Variants in MYO10 observed in about 807,000 individuals in gnomAD.
The protein encoded by MYO10 is unconventional myosin-X.
Under a neutral mutation model 257.3 loss-of-function variants are expected in MYO10, and 133 were observed. The observed-to-expected ratio is 0.52, with a 90% confidence interval of 0.45 to 0.60. The LOEUF (loss-of-function observed/expected upper bound fraction) is 0.60, where lower values mean the gene tolerates loss of function less well. MYO10 is among the 20% of genes least tolerant of loss of function. The pLI, the probability that MYO10 is intolerant of heterozygous loss-of-function variation, is 0.00. For missense variants in MYO10, 2,399 were observed against 2,635.7 expected (o/e 0.91, Z 1.97); for synonymous variants, 1,104 against 1,028.6 (o/e 1.07, Z -1.40).
rs776068710 is a variant in MYO10, at chr5:16,702,565, T to C, written c.2534A>G (p.Glu845Gly). The change falls in exon 24 of 41, where the codon GAA becomes GGA. Residue 845 changes from glutamate (E) to glycine (G), a missense_variant. Around this residue, in one of 3 missense-constraint regions of MYO10, gnomAD observed 1,820 missense variants for 1,939.4 expected, o/e 0.94. Transcript: ENST00000513610. ...EERERERERR[E>G]AELRAQQEEE... ...TACCTGCTGGGCGCGGAGCTCGGCT[T>C]CTCTTCGCTCTCTCTCTCTTTCTCT... 1.9e-5 allele frequency: 30 copies of C among 1,588,840 alleles called. No individual in the cohort carries two copies. The highest frequency in any genetic ancestry group is 2.5e-5 in the Non-Finnish European group (29 of 1,167,084).
chr5:16,828,917 A>G (rs253322), intron 2 of MYO10, among the ~76,000 whole-genome samples: 114,169 of 151,910 alleles, frequency 0.75, 43,434 homozygotes, highest in Non-Finnish European at 0.82. Flanking sequence ...CATTTATTCC[A>G]TTACTTTTCA....
chr5:16,865,640 G>A (rs1415516788), intron 2 of MYO10, among the ~76,000 whole-genome samples: 1 of 151,824 alleles, frequency 6.6e-6, no homozygotes, highest in Non-Finnish European at 1.5e-5. Flanking sequence ...GTGAAACCCC[G>A]TCTCTCCTAA....
At chr5:16,852,604 G>A (rs1305471201) in intron 2 of MYO10, among the ~76,000 whole-genome samples, 1 of 151,540 alleles carries the variant, frequency 6.6e-6, no homozygotes, top group Non-Finnish European at 1.5e-5. Context: ...TCCAGGCCCA[G>A]ACTAGCTGGA....
intron 9 of MYO10, among the ~76,000 whole-genome samples, chr5:16,771,204 GT>G (rs915246215): frequency 2.6e-4 from 39 of 152,078 alleles, no homozygotes; most frequent in African/African-American, 8.5e-4. Context: ...CCAGAGTACT[GT>G]TTTTTTCCTT....
chr5:16,891,960 A>G (rs1745072947), intron 1 of MYO10, among the ~76,000 whole-genome samples: 1 of 152,202 alleles, frequency 6.6e-6, no homozygotes, highest in African/African-American at 2.4e-5. Flanking sequence ...TAGAACACCA[A>G]AACAAGTTAT....
At position 16,935,859 on chromosome 5, in the gene MYO10, T is replaced by G; in HGVS notation, c.-51A>C. The G allele has an allele frequency of 1.2e-6, 2 of 1,607,276 alleles. No homozygotes were observed. Among genetic ancestry groups the G allele is most frequent in the Non-Finnish European group, 1.7e-6 (2 of 1,177,408 alleles). ...CGAGTGCCGCTCCGACTCGCGGAAG[T>G]CAGCGCCGCCGCGGGTCCGGGGAAA... On this transcript the variant is annotated 5_prime_UTR_variant, in exon 1 of 41. It removes the in-frame stop codon of an upstream open reading frame in the 5' UTR. Transcript: ENST00000513610.
At chr5:16,935,266 G>A (rs1443266369) in intron 1 of MYO10, among the ~76,000 whole-genome samples, 1 of 152,108 alleles carries the variant, frequency 6.6e-6, no homozygotes, top group Non-Finnish European at 1.5e-5. Context: ...GCACTTCTCG[G>A]CGAGCAAAGT....
intron 19 of MYO10, among the ~76,000 whole-genome samples, chr5:16,745,786 GA>G (rs1326984980): frequency 6.6e-5 from 10 of 152,156 alleles, no homozygotes; most frequent in African/African-American, 2.4e-4. Flanking sequence ...GGTTCCTTAG[GA>G]AAAGGGAGGA....
At chr5:16,796,456 G>GAAAGAAAGAAAGAAAAGAAAAGA (rs1560989849) in intron 3 of MYO10, among the ~76,000 whole-genome samples, 1 of 95,150 alleles carries the variant, frequency 1.1e-5, no homozygotes, top group African/African-American at 3.8e-5. Context: ...AAGAAAGAAA[G>GAAAGAAAGAAAGAAAAGAAAAGA]AAAGAAAGAA....
chr5:16,803,636 C>T (rs1376938104), intron 3 of MYO10, among the ~76,000 whole-genome samples: 2 of 152,072 alleles, frequency 1.3e-5, no homozygotes, highest in African/African-American at 4.8e-5. Context: ...CACAAACCAA[C>T]AGGAACATCA....
chr5:16,882,465 A>G (rs192716013), intron 1 of MYO10, among the ~76,000 whole-genome samples: 2 of 139,168 alleles, frequency 1.4e-5, no homozygotes, highest in Admixed American at 1.5e-4. Flanking sequence ...TATTCATAGC[A>G]GCAATATTCT....
chr5:16,863,351 T>G (rs181751833), intron 2 of MYO10, among the ~76,000 whole-genome samples: 1 of 151,364 alleles, frequency 6.6e-6, no homozygotes, highest in Non-Finnish European at 1.5e-5. Flanking sequence ...GCAAAAGCCA[T>G]GTTCTAGGAA....
intron 22 of MYO10, among the ~76,000 whole-genome samples, chr5:16,703,754 C>T (rs1738196569): frequency 6.6e-6 from 1 of 151,900 alleles, no homozygotes; most frequent in African/African-American, 2.4e-5. Context: ...TGGTGGCATG[C>T]ACCTATAGTC....
intron 3 of MYO10, among the ~76,000 whole-genome samples, chr5:16,801,877 C>T (rs1277453309): frequency 6.6e-6 from 1 of 152,058 alleles, no homozygotes; most frequent in Non-Finnish European, 1.5e-5. Context: ...TAGAAGCAAC[C>T]CATGTGTCTG....
At chr5:16,691,353 A>C (rs762757351) in intron 27 of MYO10, among the ~76,000 whole-genome samples, 4 of 151,990 alleles carry the variant, frequency 2.6e-5, no homozygotes, top group Non-Finnish European at 5.9e-5. Flanking sequence ...TTAGAAAATA[A>C]GTATTATCTG....
At chr5:16,777,171 G>A (rs1741244061) in intron 9 of MYO10, among the ~76,000 whole-genome samples, 1 of 152,140 alleles carries the variant, frequency 6.6e-6, no homozygotes, top group Non-Finnish European at 1.5e-5. Flanking sequence ...AAAACCCAAC[G>A]TGCAAGGCCA....
At chr5:16,737,718 C>T (rs111283267) in intron 19 of MYO10, among the ~76,000 whole-genome samples, 1,713 of 152,236 alleles carry the variant, frequency 0.011, 31 homozygotes, top group African/African-American at 0.039. Context: ...GGGGGGCACC[C>T]GGGAAAGTCT....
At chr5:16,854,370 A>G (rs755419225) in intron 2 of MYO10, among the ~76,000 whole-genome samples, 21 of 152,200 alleles carry the variant, frequency 1.4e-4, no homozygotes, top group Non-Finnish European at 2.5e-4. Flanking sequence ...TCTGCAATAA[A>G]AAAGAGTGAA....
At chr5:16,716,440 C>A (rs1561205585) in intron 19 of MYO10, among the ~76,000 whole-genome samples, 1 of 147,092 alleles carries the variant, frequency 6.8e-6, no homozygotes, top group African/African-American at 2.5e-5. Flanking sequence ...ATTTATGTAT[C>A]AATGAATCCA....
Sources: gnomAD v4.1 joint callset for allele counts (sites outside exome capture counted in the v4.1 genomes callset) on GRCh38, gnomAD v4.1.1 for gene constraint, gnomAD v4.1.1 regional missense constraint, MANE v1.5 for transcripts, NCBI Gene and HGNC (gene_info 2026-07-23, HGNC 2026-07-21) for gene names.